The following ZNF326 variants were observed in gnomAD, a reference collection of about 807,000 sequenced individuals.
ZNF326 encodes zinc finger protein 326.
In ZNF326, 30 loss-of-function variants were observed where a neutral mutation model predicts 63.1. The ratio of observed to expected loss-of-function variants is 0.48; its 90% CI spans 0.36 to 0.64. The LOEUF (loss-of-function observed/expected upper bound fraction) is 0.64, where lower values mean the gene tolerates loss of function less well. Ranked by LOEUF, ZNF326 falls within the 30% of genes least tolerant of loss-of-function variation. The probability of loss-of-function intolerance (pLI) is 0.00; values close to 1 mark genes in which losing one functional copy is unlikely to be tolerated. For missense variants in ZNF326, 609 were observed against 720.3 expected (o/e 0.85, Z 1.77); for synonymous variants, 194 against 228.2 (o/e 0.85, Z 1.35).
chr1:90,003,786 A>G (rs1429111044), intron 2 of ZNF326, among the ~76,000 whole-genome samples: 2 of 152,210 alleles, frequency 1.3e-5, no homozygotes, highest in Non-Finnish European at 2.9e-5. Context: ...CCCCAGATCT[A>G]TAAAATGAGA....
At chr1:90,004,798 CTTTTTTTTT>C (rs34878438) in intron 2 of ZNF326, among the ~76,000 whole-genome samples, 196 bp from the exon 3 acceptor site, 1 of 68,118 alleles carries the variant, frequency 1.5e-5, no homozygotes, top group Non-Finnish European at 2.6e-5. Flanking sequence ...AATATCAGGG[CTTTTTTTTT>C]TTTTTTTTTT....
intron 2 of ZNF326, among the ~76,000 whole-genome samples, chr1:90,000,565 C>T (rs1468494872): frequency 2.0e-5 from 3 of 152,042 alleles, no homozygotes; most frequent in Admixed American, 1.3e-4. Flanking sequence ...ATTAGCCAGG[C>T]GTGGTGGTGC....
intron 4 of ZNF326, chr1:90,005,683 C>A (rs929052683): frequency 3.5e-5 from 34 of 984,996 alleles, no homozygotes; most frequent in Non-Finnish European, 3.6e-5. Flanking sequence ...TTTACTGAAC[C>A]AGTCTAACAT....
At chr1:90,021,505 C>T (rs776066816) in intron 10 of ZNF326, among the ~76,000 whole-genome samples, 12 of 151,916 alleles carry the variant, frequency 7.9e-5, no homozygotes, top group Non-Finnish European at 1.6e-4. Context: ...GTAGAATATC[C>T]CTGAAAAATT....
intron 8 of ZNF326, among the ~76,000 whole-genome samples, chr1:90,018,292 A>C (rs1649597991): frequency 7.7e-6 from 1 of 130,676 alleles, no homozygotes; most frequent in South Asian, 2.4e-4. Flanking sequence ...ACTCCATCTC[A>C]AAAAAAAAAA....
Position 90,007,731 on chromosome 1 carries a change from G to A in ZNF326, c.596G>A (p.Gly199Asp). Residue 199 changes from glycine to aspartate, a missense_variant, in exon 5 of 12, where the codon GGC becomes GAC. By Grantham distance (94) the Gly-to-Asp change is moderately conservative. Around this residue, in one of 3 missense-constraint regions of ZNF326, gnomAD observed 113 missense variants for 187.4 expected, o/e 0.60. Transcript: ENST00000340281. The surrounding 1 kb of genome is among the most constrained non-coding windows in gnomAD (Gnocchi z 4.9). ...NYDAFGGPST[G>D]RGRGRGHMGD... ...GATGCTTTTGGAGGACCATCAACAG[G>A]CAGAGGCCGAGGCCGAGGAGTAAGT... 1 of 1,508,418 alleles carries A rather than the reference G, an allele frequency of 6.6e-7. No homozygotes were observed. The highest frequency in any genetic ancestry group is 8.9e-7 in the Non-Finnish European group (1 of 1,128,494). 93.4% of individuals were successfully genotyped at this position (1,508,418 alleles called of 1,614,324 possible).
At chr1:90,010,811 C>T (rs1422917875) in intron 6 of ZNF326, among the ~76,000 whole-genome samples, 1 of 151,848 alleles carries the variant, frequency 6.6e-6, no homozygotes, top group Non-Finnish European at 1.5e-5. Context: ...AATATATTTT[C>T]TATAATATAA....
rs771707281 is a variant in ZNF326 at position 90,032,536 on chromosome 1, A to G, written c.*4835A>G. ...AAATTTCAGCAATAAGGATAGATTT[A>G]TAATCACACTAGGAAGACAAGAAGG... On this transcript the variant is annotated 3_prime_UTR_variant, in exon 12 of 12. Transcript: ENST00000340281. 2.0e-5 allele frequency: 3 copies of G among 152,258 alleles called. No individual in the cohort carries two copies. Among genetic ancestry groups the G allele is most frequent in the Non-Finnish European group, 4.4e-5 (3 of 68,038 alleles). 9.4% of individuals were successfully genotyped at this position (152,258 alleles called of 1,614,324 possible).
At chr1:90,013,940 C>T (rs1649373421) in intron 7 of ZNF326, among the ~76,000 whole-genome samples, 1 of 152,094 alleles carries the variant, frequency 6.6e-6, no homozygotes, top group African/African-American at 2.4e-5. Flanking sequence ...TGGTGGGTGC[C>T]TGTAGTCCCA....
chr1:90,015,088 A>G (rs1488647887), intron 7 of ZNF326, among the ~76,000 whole-genome samples: 2 of 152,188 alleles, frequency 1.3e-5, no homozygotes, highest in African/African-American at 2.4e-5. Flanking sequence ...TTAACTCATA[A>G]ATTATCATTT....
In ZNF326 at chr1:90,007,674, A is replaced by G. The variant is rs373571182; in HGVS notation, c.539A>G (p.Tyr180Cys). ...TCTCGGGGGAGAGGAACGCCTGCTT[A>G]TCCTGAAAGTACGTTTGGAAGCAGA... The part of the protein sequence containing the change: ...VGSRGRGTPA[Y>C]PESTFGSRNY... Residue 180 changes from tyrosine (Y) to cysteine (C), a missense_variant, in exon 5 of 12, where the codon TAT (tyrosine) becomes TGT (cysteine). Physicochemically the swap from Tyr to Cys is radical, Grantham distance 194. Coordinates refer to ENST00000340281, the MANE Select transcript of ZNF326 (RefSeq NM_182976.4). This position sits in a 1 kb window ranked among gnomAD's most constrained non-coding sequence, Gnocchi z 4.9. 6.6e-7 allele frequency: 1 copy of G among 1,524,048 alleles called. No individual in the cohort carries two copies. Among genetic ancestry groups the G allele is most frequent in the African/African-American group, 1.4e-5 (1 of 71,730 alleles). The allele number at this position is 1,524,048 out of a possible 1,614,324, so 94.4% of individuals were successfully genotyped here. A position where few individuals can be genotyped will look rare whatever the true frequency, so the allele number is the denominator to read the frequency against.
Position 90,007,475 on chromosome 1 carries a change from T to C in ZNF326, c.340T>C (p.Ser114Pro). The C allele has an allele frequency of 6.2e-7, 1 of 1,614,056 alleles. No individual in the cohort carries two copies. The highest frequency in any genetic ancestry group is 8.5e-7 in the Non-Finnish European group (1 of 1,179,986). ...GGSYGGRFESSYRNSLDSFGG... is the reference protein window; with the variant it reads ...GGSYGGRFESPYRNSLDSFGG... ...TAGTTATGGTGGTCGATTTGAGAGC[T>C]CCTACCGGAATAGCCTTGACTCTTT... Residue 114 changes from serine to proline, a missense_variant, in exon 5 of 12, where the codon TCC (serine) becomes CCC (proline). By Grantham distance (74) the Ser-to-Pro change is moderately conservative. This residue lies in a region of ZNF326 where 113 missense variants were observed against 187.4 expected (regional missense o/e 0.60). Transcript: ENST00000340281. The surrounding 1 kb of genome is among the most constrained non-coding windows in gnomAD (Gnocchi z 4.9).
chr1:90,008,423 A>G (rs1557520344), intron 5 of ZNF326, among the ~76,000 whole-genome samples: 1 of 152,192 alleles, frequency 6.6e-6, no homozygotes, highest in Non-Finnish European at 1.5e-5. Context: ...AGATATGTTT[A>G]TGGTTTCTTC....
At chr1:90,010,894 A>G (rs947229320) in intron 6 of ZNF326, among the ~76,000 whole-genome samples, 12 of 152,178 alleles carry the variant, frequency 7.9e-5, no homozygotes, top group African/African-American at 2.2e-4. Flanking sequence ...AAGAAACAAT[A>G]TTCTGGAATT....
At position 90,031,208 on chromosome 1, in the gene ZNF326, C is replaced by A. The variant is rs1650257457; in HGVS notation, c.*3507C>A. The A allele has an allele frequency of 1.3e-5, 2 of 152,118 alleles. No individual in the cohort carries two copies. Among genetic ancestry groups the A allele is most frequent in the African/African-American group, 4.8e-5 (2 of 41,402 alleles). The allele number at this position is 152,118 out of a possible 1,614,324, so 9.4% of individuals were successfully genotyped here. On this transcript the variant is annotated 3_prime_UTR_variant, in exon 12 of 12. Coordinates refer to ENST00000340281, the MANE Select transcript of ZNF326 (RefSeq NM_182976.4). Reference sequence around the variant, plus strand: ...AGTCAGAAAATGGGGACTTTTCCCCCCTCATTTAATACTTACAACTATATT... The same window carrying A: ...AGTCAGAAAATGGGGACTTTTCCCCACTCATTTAATACTTACAACTATATT...
chr1:90,011,186 G>A (rs910776992), intron 6 of ZNF326, among the ~76,000 whole-genome samples: 2 of 152,106 alleles, frequency 1.3e-5, no homozygotes, highest in African/African-American at 2.4e-5. Flanking sequence ...CTTGAGAAAA[G>A]TGTTGTGTAG....
In ZNF326 at chr1:90,027,482, G is replaced by T; in HGVS notation, c.1530G>T (p.Glu510Asp). ...EEDEDEEEEA[E>D]EVGEVEEVEE... ...ATGAAGATGAGGAAGAAGAAGCAGAGGAAGTGGGGGAAGTAGAGGAAGTGG... is the reference window on the plus strand; with the variant it reads ...ATGAAGATGAGGAAGAAGAAGCAGATGAAGTGGGGGAAGTAGAGGAAGTGG... The change falls in exon 12 of 12, where the codon GAG (glutamate) becomes GAT (aspartate). Residue 510 changes from glutamate (E) to aspartate (D), a missense_variant. Coordinates refer to ENST00000340281, the MANE Select transcript of ZNF326 (RefSeq NM_182976.4). 6.2e-7 allele frequency: 1 copy of T among 1,613,590 alleles called. No homozygotes were observed. Among genetic ancestry groups the T allele is most frequent in the Non-Finnish European group, 8.5e-7 (1 of 1,179,788 alleles).
In ZNF326 at chr1:90,032,915, T is replaced by TG. The variant is rs1246531104; in HGVS notation, c.*5215dup. On this transcript the variant is annotated 3_prime_UTR_variant, in exon 12 of 12. Coordinates refer to ENST00000340281, the MANE Select transcript of ZNF326 (RefSeq NM_182976.4). ...AAGTGTGGCAATGCCCTAGGTATAT[T>TG]GTGATTACCACAAGGAGCTTTATTC... The TG allele has an allele frequency of 3.3e-5, 5 of 152,362 alleles. No individual in the cohort carries two copies. The East Asian group carries it at 7.7e-4, about 23-fold the overall frequency. 9.4% of individuals were successfully genotyped at this position (152,362 alleles called of 1,614,324 possible).
chr1:90,010,008 A>T, intron 5 of ZNF326, 80 bp from the exon 6 acceptor site: 1 of 1,352,062 alleles, frequency 7.4e-7, no homozygotes, highest in Non-Finnish European at 1.0e-6. Context: ...ATTAGTAGAT[A>T]GTTAACATGA....
Sources: gnomAD v4.1 joint callset for allele counts (sites outside exome capture counted in the v4.1 genomes callset) on GRCh38, gnomAD v4.1.1 for gene constraint, gnomAD v4.1.1 regional missense constraint, Gnocchi (gnomAD v3.1) non-coding constraint, MANE v1.5 for transcripts, NCBI Gene and HGNC (gene_info 2026-07-23, HGNC 2026-07-21) for gene names.